The following GLI3 variants were observed in gnomAD, a reference collection of about 807,000 sequenced individuals.
GLI3 encodes GLI family zinc finger 3, also known as transcription activator GLI3.
A neutral mutation model predicts 100.8 loss-of-function variants in GLI3; 20 were observed. That is an observed-to-expected ratio of 0.20 (90% CI 0.14 to 0.29). GLI3 has a LOEUF of 0.29. Among genes scored for constraint, GLI3 ranks in the 10% least tolerant of loss-of-function variants. The probability of loss-of-function intolerance (pLI) is 1.00; values close to 1 mark genes in which losing one functional copy is unlikely to be tolerated. For missense variants in GLI3, 2,040 were observed against 2,128.5 expected (o/e 0.96, Z 0.82); for synonymous variants, 938 against 860.5 (o/e 1.09, Z -1.58).
intron 2 of GLI3, among the ~76,000 whole-genome samples, chr7:42,204,645 A>AT (rs1788112840): frequency 6.6e-6 from 1 of 152,224 alleles, no homozygotes; most frequent in Non-Finnish European, 1.5e-5. Context: ...CCTTACACTT[A>AT]TAACTGCAAA....
At chr7:41,981,886 C>T (rs1285035897) in intron 10 of GLI3, among the ~76,000 whole-genome samples, 1 of 152,190 alleles carries the variant, frequency 6.6e-6, no homozygotes, top group African/African-American at 2.4e-5. Context: ...TTATACCGCA[C>T]CCAGCTTCTT....
chr7:42,214,354 A>G (rs186022089), intron 2 of GLI3, among the ~76,000 whole-genome samples: 171 of 152,214 alleles, frequency 1.1e-3, no homozygotes, highest in African/African-American at 3.9e-3. Flanking sequence ...GAGAGCAGGG[A>G]AAGAGATGAA....
At chr7:42,093,869 C>A (rs552221606) in intron 3 of GLI3, among the ~76,000 whole-genome samples, 1 of 152,196 alleles carries the variant, frequency 6.6e-6, no homozygotes, top group East Asian at 1.9e-4. Flanking sequence ...CAGAGGTCCT[C>A]AGGAAGTGAA....
At chr7:42,087,591 G>C (rs1000408435) in intron 3 of GLI3, among the ~76,000 whole-genome samples, 1 of 152,110 alleles carries the variant, frequency 6.6e-6, no homozygotes, top group Non-Finnish European at 1.5e-5. Context: ...GTGAATTCAG[G>C]ATACTTGATC....
intron 10 of GLI3, among the ~76,000 whole-genome samples, chr7:42,015,429 G>A (rs564575170): frequency 6.6e-6 from 1 of 152,036 alleles, no homozygotes; most frequent in African/African-American, 2.4e-5. Flanking sequence ...CTCCATGGTA[G>A]TATTTGGCTA....
intron 10 of GLI3, among the ~76,000 whole-genome samples, chr7:42,011,456 G>C (rs1280190648): frequency 6.6e-6 from 1 of 152,202 alleles, no homozygotes; most frequent in Non-Finnish European, 1.5e-5. Flanking sequence ...GCATGAACTT[G>C]TAAATGAATG....
At chr7:42,187,636 T>C (rs2128686177) in intron 2 of GLI3, among the ~76,000 whole-genome samples, 1 of 152,282 alleles carries the variant, frequency 6.6e-6, no homozygotes, top group Non-Finnish European at 1.5e-5. Context: ...ACAGCATCTT[T>C]GCAGATGTAA....
intron 2 of GLI3, among the ~76,000 whole-genome samples, chr7:42,182,666 A>ATATATATATATACATGTGTGTGTG (rs1787630669): frequency 1.3e-5 from 1 of 79,162 alleles, no homozygotes; most frequent in African/African-American, 5.6e-5. Context: ...ATATATATAT[A>ATATATATATATACATGTGTGTGTG]TATATATATA....
At chr7:42,027,061 C>T (rs1383073314) in intron 7 of GLI3, among the ~76,000 whole-genome samples, 1 of 152,192 alleles carries the variant, frequency 6.6e-6, no homozygotes, top group Non-Finnish European at 1.5e-5. Context: ...GAGCACTGCT[C>T]CCTCTTCTAG....
At chr7:42,167,897 T>C (rs1297988665) in intron 2 of GLI3, among the ~76,000 whole-genome samples, 1 of 152,190 alleles carries the variant, frequency 6.6e-6, no homozygotes, top group Non-Finnish European at 1.5e-5. Flanking sequence ...AGCAGCAGGA[T>C]CCAGATTTGG....
At chr7:42,193,575 G>A (rs1487812279) in intron 2 of GLI3, among the ~76,000 whole-genome samples, 2 of 152,154 alleles carry the variant, frequency 1.3e-5, no homozygotes, top group African/African-American at 4.8e-5. Flanking sequence ...TTTCTCCCAT[G>A]CCCAGCAAGG....
intron 2 of GLI3, among the ~76,000 whole-genome samples, chr7:42,196,653 C>A (rs1787933465): frequency 6.6e-6 from 1 of 152,176 alleles, no homozygotes; most frequent in Non-Finnish European, 1.5e-5. Context: ...CTGGTGAAGA[C>A]AACACTGCTT....
At chr7:42,219,173 A>T (rs1479053077) in intron 2 of GLI3, among the ~76,000 whole-genome samples, 1 of 152,244 alleles carries the variant, frequency 6.6e-6, no homozygotes, top group Non-Finnish European at 1.5e-5. Context: ...ATCTGCATGC[A>T]TACTTTCTAT....
Position 42,036,800 on chromosome 7 carries a change from G to A in GLI3, c.1028+3238C>T, listed in dbSNP as rs574189209. On this transcript the variant is annotated intron_variant, in intron 7 of 14. Transcript: ENST00000395925. ...GCTAGTGCTGATGCCCACCAGGCAC[G>A]GAACTTTGCTAACTTCATCTTGCAA... Among the ~76,000 whole-genome samples the A allele has an allele frequency of 3.3e-5, 5 of 152,214 alleles. No individual in the cohort carries two copies. The South Asian group carries it at 8.3e-4, about 25-fold the overall frequency.
intron 4 of GLI3, among the ~76,000 whole-genome samples, chr7:42,063,509 T>C (rs572972249): frequency 6.6e-6 from 1 of 152,290 alleles, no homozygotes; most frequent in East Asian, 1.9e-4. Context: ...AAGGGAAATA[T>C]AAGCAAAATT....
At chr7:42,130,503 T>A (rs1786249812) in intron 3 of GLI3, among the ~76,000 whole-genome samples, 1 of 152,164 alleles carries the variant, frequency 6.6e-6, no homozygotes, top group African/African-American at 2.4e-5. Context: ...TTCTTAGAAA[T>A]TAAGATTATG....
chr7:42,065,119 C>T (rs1784648655), intron 4 of GLI3, among the ~76,000 whole-genome samples: 1 of 151,468 alleles, frequency 6.6e-6, no homozygotes, highest in East Asian at 1.9e-4. Context: ...ACTGTGTGTT[C>T]AATCATTCCT....
Position 42,009,691 on chromosome 7 carries a change from C to G in GLI3, c.1497+13777G>C, listed in dbSNP as rs1440626094. On this transcript the variant is annotated intron_variant, in intron 10 of 14. Coordinates refer to ENST00000395925, the MANE Select transcript of GLI3 (RefSeq NM_000168.6). ...TGGGAAGCCCCAGGAGAACGGGTCT[C>G]ATCGGCGTCATCACTGTCCTCTCAG... Among the ~76,000 whole-genome samples, 3 of 152,294 alleles carry G rather than the reference C, an allele frequency of 2.0e-5. No individual in the cohort carries two copies. The East Asian group carries it at 5.8e-4, about 29-fold the overall frequency.
At chr7:42,233,664 G>T (rs1788736370) in intron 1 of GLI3, among the ~76,000 whole-genome samples, 2 of 152,160 alleles carry the variant, frequency 1.3e-5, no homozygotes, top group Admixed American at 1.3e-4. Flanking sequence ...AAGTAAAGAT[G>T]AAAAATACAC....
Sources: gnomAD v4.1 joint callset for allele counts (sites outside exome capture counted in the v4.1 genomes callset) on GRCh38, gnomAD v4.1.1 for gene constraint, MANE v1.5 for transcripts, NCBI Gene and HGNC (gene_info 2026-07-23, HGNC 2026-07-21) for gene names.